MSI2: variants seen among roughly 807,000 people sequenced by gnomAD.
MSI2 encodes RNA-binding protein Musashi homolog 2.
MSI2 carries 17 observed loss-of-function variants against 45.6 expected under a neutral mutation model. The observed-to-expected ratio is 0.37, with a 90% CI of 0.26 to 0.56. The LOEUF is 0.56. MSI2 is among the 20% of genes least tolerant of loss of function. The probability of loss-of-function intolerance (pLI) is 0.77; values close to 1 mark genes in which losing one functional copy is unlikely to be tolerated. For synonymous variants in MSI2, 156 were observed against 158.2 expected, an observed-to-expected ratio of 0.99 and a Z score of 0.11; for missense variants, 293 against 444.2, an observed-to-expected ratio of 0.66 and a Z score of 3.06.
intron 5 of MSI2, among the ~76,000 whole-genome samples, chr17:57,327,581 A>G (rs1364380063): frequency 6.6e-6 from 1 of 152,212 alleles, no homozygotes; most frequent in African/African-American, 2.4e-5. Flanking sequence ...TGTGGCATCA[A>G]GGGATAATGT....
chr17:57,306,687 C>G (rs57468122), intron 5 of MSI2, among the ~76,000 whole-genome samples: 6,943 of 152,272 alleles, frequency 0.046, 343 homozygotes, highest in East Asian at 0.18. Flanking sequence ...TGTTCACATG[C>G]TCTGCTGCCA....
At chr17:57,525,074 C>G (rs376229213) in intron 6 of MSI2, among the ~76,000 whole-genome samples, 2 of 152,322 alleles carry the variant, frequency 1.3e-5, no homozygotes, top group South Asian at 2.1e-4. Flanking sequence ...TTGAGAATCC[C>G]TGCCCCAACT....
At position 57,529,670 on chromosome 17, in the gene MSI2, T is replaced by C. The variant is rs565576954; in HGVS notation, c.406-6T>C. On this transcript the variant is annotated splice_region_variant and splice_polypyrimidine_tract_variant and intron_variant, in intron 6 of 13. Coordinates refer to ENST00000284073, the MANE Select transcript of MSI2 (RefSeq NM_138962.4). The surrounding 1 kb of genome is among the most constrained non-coding windows in gnomAD (Gnocchi z 5.3). ...AGGCAGCCTGTATTCTATATTTGTT[T>C]TGCAGGTGGAAGATGCAATGCTGAT... 6.2e-7 allele frequency: 1 copy of C among 1,612,434 alleles called. No homozygotes were observed. The highest frequency in any genetic ancestry group is 1.7e-5 in the Admixed American group (1 of 59,576).
At chr17:57,669,262 G>A (rs1296463723) in intron 11 of MSI2, among the ~76,000 whole-genome samples, 1 of 152,234 alleles carries the variant, frequency 6.6e-6, no homozygotes, top group East Asian at 1.9e-4. Context: ...AAGGCCTTTG[G>A]CTGCCCAGTT....
intron 7 of MSI2, among the ~76,000 whole-genome samples, chr17:57,530,367 A>G (rs2144066869): frequency 6.6e-6 from 1 of 152,322 alleles, no homozygotes; most frequent in Non-Finnish European, 1.5e-5. Context: ...GAAGATCCCT[A>G]GGTTTGGACA....
At chr17:57,609,339 C>G (rs1007016255) in intron 8 of MSI2, among the ~76,000 whole-genome samples, 4 of 152,328 alleles carry the variant, frequency 2.6e-5, no homozygotes, top group Admixed American at 2.6e-4. Flanking sequence ...TTTCCTCCCT[C>G]TGCTCCCCTC....
chr17:57,271,427 TC>T (rs1908359500), intron 5 of MSI2, among the ~76,000 whole-genome samples: 1 of 152,120 alleles, frequency 6.6e-6, no homozygotes, highest in Non-Finnish European at 1.5e-5. Flanking sequence ...TTTTAAGAAA[TC>T]CATTCAAGAG....
intron 7 of MSI2, among the ~76,000 whole-genome samples, chr17:57,559,658 G>A (rs540135733): frequency 1.8e-4 from 27 of 152,382 alleles, no homozygotes; most frequent in East Asian, 5.8e-4. Flanking sequence ...CTGTGCTGAC[G>A]ACAGCCTGCC....
At position 57,596,745 on chromosome 17, in the gene MSI2, C is replaced by T. The variant is rs891259809; in HGVS notation, c.455-123C>T. ...CAACCTCAAGGTCCTCCCAAGGATC[C>T]GCCTACCTACCCCCAGACCAGGAGG... is the stretch of plus-strand genomic sequence containing the variant. On this transcript the variant is annotated intron_variant, in intron 7 of 13. Coordinates refer to ENST00000284073, the MANE Select transcript of MSI2 (RefSeq NM_138962.4). This position sits in a 1 kb window ranked among gnomAD's most constrained non-coding sequence, Gnocchi z 4.6. 2.1e-5 allele frequency: 14 copies of T among 675,940 alleles called. No individual in the cohort carries two copies. Among genetic ancestry groups the T allele is most frequent in the Non-Finnish European group, 3.2e-5 (12 of 376,006 alleles). The allele number at this position is 675,940 out of a possible 1,614,324, so 41.9% of individuals were successfully genotyped here.
intron 5 of MSI2, chr17:57,264,455 C>A (rs1907594872): frequency 6.6e-6 from 1 of 152,200 alleles, no homozygotes; most frequent in African/African-American, 2.4e-5. Context: ...CCAAGCTATC[C>A]TCCCACCTCT....
At chr17:57,531,288 G>T (rs1006652337) in intron 7 of MSI2, among the ~76,000 whole-genome samples, 5 of 152,194 alleles carry the variant, frequency 3.3e-5, no homozygotes, top group African/African-American at 1.2e-4. Flanking sequence ...CTGTAGGATG[G>T]GGGTAATCAT....
At chr17:57,334,801 A>T (rs79389444) in intron 5 of MSI2, among the ~76,000 whole-genome samples, 7,000 of 152,060 alleles carry the variant, frequency 0.046, 204 homozygotes, top group African/African-American at 0.069. Flanking sequence ...CTCAAAAAAA[A>T]AAATAAATAA....
Position 57,399,963 on chromosome 17 carries a change from C to T in MSI2, c.313-1416C>T, listed in dbSNP as rs114827843. Among the ~76,000 whole-genome samples, 816 of 152,276 alleles carry T rather than the reference C, an allele frequency of 5.4e-3. 8 individuals are homozygous for T. The highest frequency in any genetic ancestry group is 0.018 in the African/African-American group (754 of 41,570). On this transcript the variant is annotated intron_variant, in intron 5 of 13. Coordinates refer to ENST00000284073, the MANE Select transcript of MSI2 (RefSeq NM_138962.4). ...GGTTCACTCATTCACTCAGCAGATA[C>T]GCCGGGAGCCTCTGTGATGACTGAC...
In MSI2 at chr17:57,317,161, A is replaced by G. The variant is rs149120889; in HGVS notation, c.312+54969A>G. On this transcript the variant is annotated intron_variant, in intron 5 of 13. Transcript: ENST00000284073. ...TCTCTGATAGGTTGGAAGAAGCTTG[A>G]CTGCTGGAGTACTGATCAGTGGGTG... Among the ~76,000 whole-genome samples the G allele has an allele frequency of 5.1e-4, 78 of 152,082 alleles. 1 individual carries two copies. The highest frequency in any genetic ancestry group is 1.7e-3 in the African/African-American group (72 of 41,494).
intron 9 of MSI2, chr17:57,625,440 G>A (rs971703755): frequency 2.0e-5 from 3 of 152,266 alleles, no homozygotes; most frequent in South Asian, 2.1e-4. Context: ...TCCTGTTGCC[G>A]AGTGCAGGCA....
At chr17:57,539,526 T>A (rs2086995375) in intron 7 of MSI2, among the ~76,000 whole-genome samples, 1 of 150,294 alleles carries the variant, frequency 6.7e-6, no homozygotes, top group South Asian at 2.1e-4. Context: ...ACCCCATCTC[T>A]ACTGAAAATA....
intron 5 of MSI2, among the ~76,000 whole-genome samples, chr17:57,376,972 G>A (rs1184142949): frequency 6.6e-6 from 1 of 150,614 alleles, no homozygotes; most frequent in Non-Finnish European, 1.5e-5. Context: ...CCAGGCTGGA[G>A]GGCAGTGGCG....
chr17:57,574,993 G>T (rs2087985537), intron 7 of MSI2, among the ~76,000 whole-genome samples: 3 of 152,068 alleles, frequency 2.0e-5, no homozygotes, highest in Non-Finnish European at 2.9e-5. Context: ...ACCACGCCCG[G>T]CTAATTTTTT....
chr17:57,367,387 T>C (rs140669100), intron 5 of MSI2, among the ~76,000 whole-genome samples: 64 of 152,308 alleles, frequency 4.2e-4, no homozygotes, highest in Middle Eastern at 3.4e-3. Context: ...CTGCTTCCCT[T>C]CTGAAGGGAT....
Sources: allele counts gnomAD v4.1 joint callset (sites outside exome capture counted in the v4.1 genomes callset), GRCh38; gene constraint gnomAD v4.1.1; non-coding constraint Gnocchi (gnomAD v3.1); transcripts MANE v1.5; gene names NCBI Gene and HGNC (gene_info 2026-07-23, HGNC 2026-07-21).